The following COMMD1 variants were observed in gnomAD, a reference collection of about 807,000 sequenced individuals.
The protein encoded by COMMD1 is copper metabolism domain containing 1, also known as COMM domain-containing protein 1.
Under a neutral mutation model 17.2 loss-of-function variants are expected in COMMD1, and 10 were observed. The ratio of observed to expected loss-of-function variants is 0.58; its 90% CI spans 0.36 to 0.99. The LOEUF (loss-of-function observed/expected upper bound fraction) is 0.99, where lower values mean the gene tolerates loss of function less well. COMMD1 is among the 50% of genes least tolerant of loss of function. The pLI, the probability that COMMD1 is intolerant of heterozygous loss-of-function variation, is 0.01. For synonymous variants in COMMD1, 97 were observed against 91.6 expected, an observed-to-expected ratio of 1.06 and a Z score of -0.34; for missense variants, 270 against 231.8, an observed-to-expected ratio of 1.17 and a Z score of -1.07.
chr2:62,022,868 G>A (rs1308539182), intron 2 of COMMD1, among the ~76,000 whole-genome samples: 1 of 152,114 alleles, frequency 6.6e-6, no homozygotes, highest in East Asian at 1.9e-4. Context: ...GCTAGTCGCT[G>A]AGTTTCATTC....
chr2:62,026,499 C>T (rs2103866224), intron 2 of COMMD1, among the ~76,000 whole-genome samples: 1 of 152,266 alleles, frequency 6.6e-6, no homozygotes, highest in Admixed American at 6.5e-5. Flanking sequence ...CCCACCATGC[C>T]CCACCTCCAA....
chr2:61,896,620 C>G (rs1304441529), intron 1 of COMMD1, among the ~76,000 whole-genome samples: 1 of 152,050 alleles, frequency 6.6e-6, no homozygotes, highest in African/African-American at 2.4e-5. Flanking sequence ...TACTCCTCTG[C>G]TTACAACTCT....
chr2:61,956,815 A>G (rs1015307846), intron 1 of COMMD1, among the ~76,000 whole-genome samples: 1 of 151,944 alleles, frequency 6.6e-6, no homozygotes, highest in Non-Finnish European at 1.5e-5. Context: ...CAGTGGTGCG[A>G]TATCAGCTCA....
At chr2:62,113,295 T>A (rs1672506676) in intron 2 of COMMD1, among the ~76,000 whole-genome samples, 1 of 152,132 alleles carries the variant, frequency 6.6e-6, no homozygotes, top group South Asian at 2.1e-4. Flanking sequence ...GAGGTTATGA[T>A]GAGCTATGAT....
Position 62,060,717 on chromosome 2 carries a change from A to G in COMMD1, c.462+59735A>G, listed in dbSNP as rs555693044. Among the ~76,000 whole-genome samples the G allele has an allele frequency of 1.1e-4, 16 of 152,236 alleles. No homozygotes were observed. In the East Asian group the frequency reaches 2.9e-3, roughly 28 times the overall value. Reference sequence around the variant, plus strand: ...ACTTATCTGAAAATCTTGTTATTTCATCTTTATTCTTGATGGATATTTTTG... The same window carrying G: ...ACTTATCTGAAAATCTTGTTATTTCGTCTTTATTCTTGATGGATATTTTTG... On this transcript the variant is annotated intron_variant, in intron 2 of 2. Transcript: ENST00000311832.
chr2:62,121,476 T>C (rs1181228284), intron 2 of COMMD1, among the ~76,000 whole-genome samples: 1 of 148,530 alleles, frequency 6.7e-6, no homozygotes, highest in East Asian at 2.0e-4. Flanking sequence ...TGTTGCCTCA[T>C]ACCTGTAATC....
At chr2:62,005,153 G>T (rs984126335) in intron 2 of COMMD1, among the ~76,000 whole-genome samples, 2 of 152,190 alleles carry the variant, frequency 1.3e-5, no homozygotes, top group African/African-American at 4.8e-5. Flanking sequence ...ATTCTTTAAA[G>T]CTGCCCAGAT....
At chr2:62,046,451 T>G (rs1311515080) in intron 2 of COMMD1, among the ~76,000 whole-genome samples, 1 of 152,168 alleles carries the variant, frequency 6.6e-6, no homozygotes, top group Admixed American at 6.5e-5. Context: ...AATCATGACT[T>G]GAGATGGGTA....
At chr2:61,939,345 G>A (rs1431455684) in intron 1 of COMMD1, among the ~76,000 whole-genome samples, 1 of 151,432 alleles carries the variant, frequency 6.6e-6, no homozygotes, top group Non-Finnish European at 1.5e-5. Context: ...AGGTGCCTGT[G>A]GTCCCAGCTA....
intron 2 of COMMD1, among the ~76,000 whole-genome samples, chr2:62,001,657 A>G (rs764481079): frequency 1.4e-4 from 22 of 152,342 alleles, no homozygotes; most frequent in Non-Finnish European, 2.8e-4. Context: ...GTAATTAGGA[A>G]GAGAAAACCC....
intron 2 of COMMD1, among the ~76,000 whole-genome samples, chr2:62,130,136 G>A (rs1258702254): frequency 6.7e-6 from 1 of 148,288 alleles, no homozygotes; most frequent in African/African-American, 2.5e-5. Flanking sequence ...GATCGCGCCA[G>A]TGAGCGAGAC....
intron 1 of COMMD1, among the ~76,000 whole-genome samples, chr2:61,910,122 TG>T (rs1443944759): frequency 2.0e-5 from 3 of 152,190 alleles, no homozygotes; most frequent in African/African-American, 7.2e-5. Flanking sequence ...TTTTTATTTT[TG>T]GGTAGACCCT....
chr2:61,950,818 G>A lies in COMMD1; in HGVS notation c.180+44960G>A, dbSNP rs75315472. On this transcript the variant is annotated intron_variant, in intron 1 of 2. Coordinates refer to ENST00000311832, the MANE Select transcript of COMMD1 (RefSeq NM_152516.4). ...ATTCATGTCCAGGTCAGGAAGGAGT[G>A]GGAGGGTGCAAGACTTCATCACACT... 3.9e-3 allele frequency among the ~76,000 whole-genome samples: 599 copies of A among 152,278 alleles called. 6 individuals carry two copies. The highest frequency in any genetic ancestry group is 0.014 in the African/African-American group (563 of 41,552).
At chr2:62,096,919 A>G (rs895190285) in intron 2 of COMMD1, among the ~76,000 whole-genome samples, 5 of 152,346 alleles carry the variant, frequency 3.3e-5, no homozygotes, top group African/African-American at 1.2e-4. Flanking sequence ...TGTCATCTAA[A>G]TCTGGCTTTA....
At chr2:61,890,944 A>G (rs538010518) in intron 1 of COMMD1, among the ~76,000 whole-genome samples, 2 of 152,174 alleles carry the variant, frequency 1.3e-5, no homozygotes, top group Non-Finnish European at 2.9e-5. Context: ...CATAAATTCT[A>G]TGGTTATTTG....
intron 2 of COMMD1, among the ~76,000 whole-genome samples, chr2:62,045,559 CTT>C (rs756748901): frequency 7.9e-5 from 11 of 138,630 alleles, no homozygotes; most frequent in Non-Finnish European, 1.1e-4. Context: ...TTTCCTTCTT[CTT>C]TTTTTTTTTT....
At chr2:62,103,065 G>A (rs1234488208) in intron 2 of COMMD1, among the ~76,000 whole-genome samples, 1 of 151,008 alleles carries the variant, frequency 6.6e-6, no homozygotes, top group African/African-American at 2.4e-5. Flanking sequence ...TGCAAGCTGC[G>A]CCTCCTGGGT....
chr2:62,050,236 T>C (rs1278589170), intron 2 of COMMD1, among the ~76,000 whole-genome samples: 2 of 152,220 alleles, frequency 1.3e-5, no homozygotes, highest in Non-Finnish European at 2.9e-5. Flanking sequence ...AGTATCACTT[T>C]AACCAAAAAG....
At chr2:61,979,112 C>T (rs1372451467) in intron 1 of COMMD1, among the ~76,000 whole-genome samples, 1 of 152,106 alleles carries the variant, frequency 6.6e-6, no homozygotes, top group African/African-American at 2.4e-5. Context: ...CTGCCCCCAC[C>T]TCCCACTATC....
Sources: gnomAD v4.1 joint callset for allele counts (sites outside exome capture counted in the v4.1 genomes callset) on GRCh38, gnomAD v4.1.1 for gene constraint, MANE v1.5 for transcripts, NCBI Gene and HGNC (gene_info 2026-07-23, HGNC 2026-07-21) for gene names.